DNHD1: variants seen among roughly 807,000 people sequenced by gnomAD.
DNHD1 encodes the protein dynein heavy chain domain 1.
Under a neutral mutation model 458.1 loss-of-function variants are expected in DNHD1, and 383 were observed. The ratio of observed to expected loss-of-function variants is 0.84; its 90% confidence interval spans 0.77 to 0.91. DNHD1 has a LOEUF of 0.91. Ranked by LOEUF, DNHD1 falls within the 40% of genes least tolerant of loss-of-function variation. The probability of loss-of-function intolerance (pLI) is 0.00; values close to 1 mark genes in which losing one functional copy is unlikely to be tolerated. For synonymous variants in DNHD1, 2,203 were observed against 2,376.9 expected, an observed-to-expected ratio of 0.93 and a Z score of 2.13; for missense variants, 5,336 against 5,866.1, an observed-to-expected ratio of 0.91 and a Z score of 2.95.
intron 28 of DNHD1, 87 bp downstream of exon 28, chr11:6,559,370 A>C: frequency 1.8e-6 from 2 of 1,122,676 alleles, no homozygotes; most frequent in Non-Finnish European, 1.3e-6. Flanking sequence ...AATGAACCTT[A>C]ATTCTTGTCC....
chr11:6,546,179 G>C lies in DNHD1; in HGVS notation c.5240G>C (p.Gly1747Ala), dbSNP rs1853213278. The part of the protein sequence containing the change: ...LLEKVHQLPP[G>A]LLSALGQRLG... ...GAGAAAGTTCATCAGCTGCCCCCTG[G>C]CTTGCTCTCTGCCCTGGGCCAGCGC... Residue 1747 changes from glycine (G) to alanine (A), a missense_variant, in exon 21 of 43, where the codon GGC (glycine) becomes GCC (alanine). Around this residue, in one of 4 missense-constraint regions of DNHD1, gnomAD observed 3,932 missense variants for 4,365.6 expected, o/e 0.90. Coordinates refer to ENST00000254579, the MANE Select transcript of DNHD1 (RefSeq NM_144666.3). The C allele has an allele frequency of 1.9e-6, 3 of 1,551,020 alleles. No individual in the cohort carries two copies. The highest frequency in any genetic ancestry group is 1.4e-5 in the African/African-American group (1 of 73,042).
Position 6,567,327 on chromosome 11 carries a change from T to C in DNHD1, c.11818T>C (p.Leu3940=), listed in dbSNP as rs1033261106. 4 of 1,614,058 alleles carry C rather than the reference T, an allele frequency of 2.5e-6. No homozygotes were observed. Among genetic ancestry groups the C allele is most frequent in the South Asian group, 2.2e-5 (2 of 91,090 alleles). The change falls in exon 36 of 43, where the codon TTG becomes CTG. Residue 3940 remains leucine (L), a synonymous_variant. Coordinates refer to ENST00000254579, the MANE Select transcript of DNHD1 (RefSeq NM_144666.3). ...ACCCTTGGTGGGTGCATTGGGCGCT[T>C]TGGCTCTGCTGCAAGCAACAGGGAA... ...QVPLVGALGA[L]ALLQATGKAS... is the part of the protein sequence containing the mutation.
In DNHD1 at chr11:6,548,193, T is replaced by G; in HGVS notation, c.6906-17T>G. On this transcript the variant is annotated splice_polypyrimidine_tract_variant and intron_variant, in intron 22 of 42. Transcript: ENST00000254579. The surrounding 1 kb of genome is among the most constrained non-coding windows in gnomAD (Gnocchi z 4.4). Reference sequence around the variant, plus strand: ...TGTAACTGTCTGACGCTTTTGCCTGTGTGTCCATCTGAGCAGGTTCTGGCC... The same window carrying G: ...TGTAACTGTCTGACGCTTTTGCCTGGGTGTCCATCTGAGCAGGTTCTGGCC... 1 of 1,550,532 alleles carries G rather than the reference T, an allele frequency of 6.4e-7. No homozygotes were observed.
intron 10 of DNHD1, 137 bp from the exon 11 acceptor site, chr11:6,528,385 C>A: frequency 9.3e-7 from 1 of 1,071,254 alleles, no homozygotes; most frequent in Non-Finnish European, 1.3e-6. Flanking sequence ...TGTGTTAACT[C>A]ACTCATGAGC....
At chr11:6,538,022 A>G (rs1852997288) in intron 14 of DNHD1, among the ~76,000 whole-genome samples, 1 of 152,232 alleles carries the variant, frequency 6.6e-6, no homozygotes. Context: ...AGTGTTCCAG[A>G]AAGAATAGAC....
intron 7 of DNHD1, among the ~76,000 whole-genome samples, chr11:6,513,639 GT>G (rs1564997649): frequency 6.6e-6 from 1 of 152,168 alleles, no homozygotes; most frequent in Non-Finnish European, 1.5e-5. Flanking sequence ...GTTGGTTCCA[GT>G]TTTTTACTAT....
At position 6,557,476 on chromosome 11, in the gene DNHD1, A is replaced by G. The variant is rs941851004; in HGVS notation, c.8181A>G (p.Thr2727=). The G allele has an allele frequency of 3.2e-6, 5 of 1,551,662 alleles. No individual in the cohort carries two copies. In the African/African-American group the frequency reaches 6.8e-5, roughly 21 times the overall value. The change falls in exon 25 of 43, where the codon ACA becomes ACG. Residue 2727 remains threonine (T), a synonymous_variant. Coordinates refer to ENST00000254579, the MANE Select transcript of DNHD1 (RefSeq NM_144666.3). ...ACTTCAGCAACAGCAATAGTGAAAC[A>G]GAGGAGGAAGAGGAACCTTATGGCC... is the stretch of plus-strand genomic sequence containing the variant. ...WEDFSNSNSE[T]EEEEEPYGLQ...
intron 3 of DNHD1, among the ~76,000 whole-genome samples, chr11:6,500,009 G>C (rs572381818): frequency 6.7e-6 from 1 of 150,072 alleles, no homozygotes; most frequent in African/African-American, 2.5e-5. Context: ...CTGTCGCCCA[G>C]GCTAGAGTGC....
chr11:6,550,018 C>G (rs926617591), intron 24 of DNHD1, among the ~76,000 whole-genome samples: 1 of 152,132 alleles, frequency 6.6e-6, no homozygotes, highest in African/African-American at 2.4e-5. Context: ...GATAGGCTAT[C>G]CAGTTAAACA....
chr11:6,567,765 CA>C lies in DNHD1; in HGVS notation c.12257del (p.Gln4086ArgfsTer4), dbSNP rs1174307360. On this transcript the variant is annotated frameshift_variant, in exon 36 of 43. Transcript: ENST00000254579. LOFTEE classifies it high-confidence loss of function. The part of the protein sequence containing the change: ...TMPFKHSQAT[Q>X]PMLILLPPPG... ...GCCCTTTAAACATAGTCAGGCTACTCAGCCCATGCTGATCTTGTTGCCACCG... is the reference window on the plus strand; with the variant it reads ...GCCCTTTAAACATAGTCAGGCTACTCGCCCATGCTGATCTTGTTGCCACCG... 6.2e-7 allele frequency: 1 copy of C among 1,614,006 alleles called. No homozygotes were observed. The highest frequency in any genetic ancestry group is 1.7e-5 in the Admixed American group (1 of 60,032).
chr11:6,554,721 A>G (rs1853425473), intron 24 of DNHD1, among the ~76,000 whole-genome samples: 1 of 152,218 alleles, frequency 6.6e-6, no homozygotes, highest in African/African-American at 2.4e-5. Context: ...AATTTAAACC[A>G]CCATGTGATA....
intron 10 of DNHD1, among the ~76,000 whole-genome samples, chr11:6,528,059 T>C (rs1439200054): frequency 6.6e-6 from 1 of 152,212 alleles, no homozygotes; most frequent in East Asian, 1.9e-4. Context: ...AAGACTTTGA[T>C]TCAGAATTGA....
chr11:6,555,983 TTTATTA>T (rs527362340), intron 24 of DNHD1, among the ~76,000 whole-genome samples: 18 of 151,932 alleles, frequency 1.2e-4, no homozygotes, highest in East Asian at 3.9e-4. Context: ...ATTTTTAAAA[TTTATTA>T]TTATTATTAT....
chr11:6,514,789 A>T (rs1455980787), intron 7 of DNHD1, among the ~76,000 whole-genome samples: 4 of 152,066 alleles, frequency 2.6e-5, no homozygotes, highest in Non-Finnish European at 5.9e-5. Context: ...CCCCTGTCTT[A>T]GTTTGTTTTC....
At position 6,544,169 on chromosome 11, in the gene DNHD1, C is replaced by T; in HGVS notation, c.3677C>T (p.Ser1226Phe). 6.4e-7 allele frequency: 1 copy of T among 1,551,568 alleles called. No individual in the cohort carries two copies. Among genetic ancestry groups the T allele is most frequent in the Non-Finnish European group, 8.7e-7 (1 of 1,146,938 alleles). Residue 1226 changes from serine to phenylalanine, a missense_variant, in exon 19 of 43, where the codon TCC (serine) becomes TTC (phenylalanine). By Grantham distance (155) the Ser-to-Phe change is radical. This residue lies in a region of DNHD1 where 3,932 missense variants were observed against 4,365.6 expected (regional missense o/e 0.90). Coordinates refer to ENST00000254579, the MANE Select transcript of DNHD1 (RefSeq NM_144666.3). ...DSIQESLQVL[S>F]KILAIEKSGD... ...ATCCAGGAAAGTCTTCAGGTGTTGT[C>T]CAAGATCTTGGCCATCGAAAAGTCA... is the stretch of plus-strand genomic sequence containing the variant.
At position 6,571,553 on chromosome 11, in the gene DNHD1, G is replaced by T; in HGVS notation, c.13912-83G>T. Reference sequence around the variant, plus strand: ...AGCTTCTCCGATCTCGCTTCACCACGACCTCCTACCCGCTAACCCCCACTT... The same window carrying T: ...AGCTTCTCCGATCTCGCTTCACCACTACCTCCTACCCGCTAACCCCCACTT... On this transcript the variant is annotated intron_variant, in intron 42 of 42. Coordinates refer to ENST00000254579, the MANE Select transcript of DNHD1 (RefSeq NM_144666.3). This position sits in a 1 kb window ranked among gnomAD's most constrained non-coding sequence, Gnocchi z 5.0. 1 of 1,458,132 alleles carries T rather than the reference G, an allele frequency of 6.9e-7. No homozygotes were observed. 90.3% of individuals were successfully genotyped at this position (1,458,132 alleles called of 1,614,324 possible).
rs1264126515 is a variant in DNHD1, at chr11:6,538,484, G to T, written c.3100G>T (p.Glu1034Ter). 1.3e-6 allele frequency: 2 copies of T among 1,551,768 alleles called. No homozygotes were observed. Among genetic ancestry groups the T allele is most frequent in the Non-Finnish European group, 1.7e-6 (2 of 1,147,014 alleles). Residue 1034 changes from glutamate to a stop codon, truncating the protein, a stop_gained, in exon 15 of 43, where the codon GAG becomes TAG. Coordinates refer to ENST00000254579, the MANE Select transcript of DNHD1 (RefSeq NM_144666.3). LOFTEE classifies it high-confidence loss of function. ...LYRVISENIS[E>*]WKCMAFAKFS... Reference sequence around the variant, plus strand: ...CCGAGTCATCTCCGAAAACATCAGCGAGTGGAAGTGCATGGCTTTTGCCAA... The same window carrying T: ...CCGAGTCATCTCCGAAAACATCAGCTAGTGGAAGTGCATGGCTTTTGCCAA...
At chr11:6,534,465 G>A (rs531833802) in intron 14 of DNHD1, among the ~76,000 whole-genome samples, 2 of 152,260 alleles carry the variant, frequency 1.3e-5, no homozygotes, top group East Asian at 1.9e-4. Flanking sequence ...AAGCATGTGT[G>A]GGAGAAATGT....
chr11:6,540,342 A>G (rs1853072934), intron 18 of DNHD1, among the ~76,000 whole-genome samples: 1 of 151,828 alleles, frequency 6.6e-6, no homozygotes, highest in African/African-American at 2.4e-5. Flanking sequence ...CTTTCTGGGT[A>G]CCCTCAGAAA....
Sources: gnomAD v4.1 joint callset for allele counts (sites outside exome capture counted in the v4.1 genomes callset) on GRCh38, gnomAD v4.1.1 for gene constraint, gnomAD v4.1.1 regional missense constraint, Gnocchi (gnomAD v3.1) non-coding constraint, MANE v1.5 for transcripts, NCBI Gene and HGNC (gene_info 2026-07-23, HGNC 2026-07-21) for gene names.